CACNA1A: variants seen among roughly 807,000 people sequenced by gnomAD.
The protein encoded by CACNA1A is voltage-dependent P/Q-type calcium channel subunit alpha-1A.
In CACNA1A, 57 loss-of-function variants were observed where a neutral mutation model predicts 262.4. The ratio of observed to expected loss-of-function variants is 0.22; its 90% CI spans 0.18 to 0.27. CACNA1A has a LOEUF of 0.27. Among genes scored for constraint, CACNA1A ranks in the 10% least tolerant of loss-of-function variants. The pLI, the probability that CACNA1A is intolerant of heterozygous loss-of-function variation, is 1.00. For missense variants in CACNA1A, 2,526 were observed against 3,562.8 expected (o/e 0.71, Z 7.41); for synonymous variants, 1,431 against 1,419.3 (o/e 1.01, Z -0.18).
In CACNA1A at chr19:13,373,030, C is replaced by T. The variant is rs563267046; in HGVS notation, c.540-1251G>A. On this transcript the variant is annotated intron_variant, in intron 3 of 46. Transcript: ENST00000360228. ...TTTCAGAGCTAAGTGATGTACAGTG[C>T]GTGGTCAAGGCACAATACAATAAAA... Among the ~76,000 whole-genome samples, 63 of 152,242 alleles carry T rather than the reference C, an allele frequency of 4.1e-4. 1 individual carries two copies. The highest frequency in any genetic ancestry group is 7.0e-4 in the African/African-American group (29 of 41,534).
At chr19:13,464,601 T>C (rs1251790206) in intron 1 of CACNA1A, among the ~76,000 whole-genome samples, 2 of 149,474 alleles carry the variant, frequency 1.3e-5, no homozygotes, top group African/African-American at 5.0e-5. Flanking sequence ...CAGGCCAGAC[T>C]GCAGTGGTGC....
In CACNA1A at chr19:13,464,921, TTTCTC is replaced by T. The variant is rs567742109; in HGVS notation, c.294-9714_294-9710del. Reference sequence around the variant, plus strand: ...TTCCTTTTCTTTTGGTTTCTTTTCTTTTCTCTTCTCTTCTCTTTTCTTTTTGAGAC... The same window carrying T: ...TTCCTTTTCTTTTGGTTTCTTTTCTTTTCTCTTCTCTTTTCTTTTTGAGAC... On this transcript the variant is annotated intron_variant, in intron 1 of 46. Coordinates refer to ENST00000360228, the MANE Select transcript of CACNA1A (RefSeq NM_001127222.2). Among the ~76,000 whole-genome samples the T allele has an allele frequency of 1.3e-3, 205 of 151,892 alleles. 1 individual carries two copies. The highest frequency in any genetic ancestry group is 4.2e-3 in the African/African-American group (175 of 41,448).
intron 24 of CACNA1A, among the ~76,000 whole-genome samples, chr19:13,268,513 A>C (rs531916410): frequency 2.7e-5 from 4 of 150,864 alleles, no homozygotes; most frequent in African/African-American, 9.8e-5. Flanking sequence ...GGCTCACTGC[A>C]AGCTCCGCCT....
intron 24 of CACNA1A, among the ~76,000 whole-genome samples, chr19:13,265,858 T>C (rs1325390885): frequency 6.6e-6 from 1 of 151,896 alleles, no homozygotes; most frequent in Non-Finnish European, 1.5e-5. Context: ...TTTTTTTTTT[T>C]TTTTGAGATG....
intron 29 of CACNA1A, among the ~76,000 whole-genome samples, chr19:13,254,755 C>A (rs1600179447): frequency 6.6e-6 from 1 of 152,118 alleles, no homozygotes; most frequent in Non-Finnish European, 1.5e-5. Context: ...CTGAGGTCAT[C>A]ATAAATGGGT....
intron 21 of CACNA1A, 68 bp downstream of exon 21, chr19:13,285,000 T>C: frequency 6.5e-7 from 1 of 1,546,412 alleles, no homozygotes. Context: ...GCCCTCTATC[T>C]GGCCTGACTT....
chr19:13,373,510 T>C (rs1372202936), intron 3 of CACNA1A, among the ~76,000 whole-genome samples: 1 of 152,148 alleles, frequency 6.6e-6, no homozygotes, highest in African/African-American at 2.4e-5. Flanking sequence ...CCCTCACCCT[T>C]CATTCTGGAT....
At chr19:13,431,188 G>A (rs1054370031) in intron 3 of CACNA1A, among the ~76,000 whole-genome samples, 4 of 151,922 alleles carry the variant, frequency 2.6e-5, no homozygotes, top group African/African-American at 9.7e-5. Flanking sequence ...TCTGGCTGCT[G>A]TGTGGGGAAC....
intron 30 of CACNA1A, among the ~76,000 whole-genome samples, chr19:13,247,410 G>A (rs1366411804): frequency 3.3e-5 from 5 of 152,136 alleles, no homozygotes; most frequent in African/African-American, 1.2e-4. Flanking sequence ...AGGAATTCAG[G>A]GGGCCGGGCG....
At chr19:13,393,118 C>T (rs1436280929) in intron 3 of CACNA1A, among the ~76,000 whole-genome samples, 3 of 152,176 alleles carry the variant, frequency 2.0e-5, no homozygotes, top group African/African-American at 4.8e-5. Context: ...CCCTCTGACT[C>T]AGATGTTCCG....
intron 7 of CACNA1A, among the ~76,000 whole-genome samples, chr19:13,334,717 C>T (rs2058532666): frequency 2.0e-5 from 3 of 151,882 alleles, no homozygotes; most frequent in Admixed American, 2.0e-4. Context: ...GCCAGCTTCA[C>T]ACATTTCCCG....
At chr19:13,262,076 C>T (rs1450063457) in intron 25 of CACNA1A, 1 of 160,864 alleles carries the variant, frequency 6.2e-6, no homozygotes, top group African/African-American at 2.4e-5. Flanking sequence ...TGTTTTCTGT[C>T]TTTAATTTTT....
chr19:13,493,055 C>T (rs936397645), intron 1 of CACNA1A, among the ~76,000 whole-genome samples: 3 of 152,066 alleles, frequency 2.0e-5, no homozygotes, highest in East Asian at 1.9e-4. Context: ...AAGGGGAGGC[C>T]GCCGCAGTTT....
At chr19:13,429,257 C>T (rs2144818677) in intron 3 of CACNA1A, among the ~76,000 whole-genome samples, 1 of 151,552 alleles carries the variant, frequency 6.6e-6, no homozygotes, top group South Asian at 2.1e-4. Context: ...AAATTAGCTC[C>T]ATCTCTAGTC....
At chr19:13,324,468 G>A (rs2058313571) in intron 10 of CACNA1A, among the ~76,000 whole-genome samples, 1 of 152,146 alleles carries the variant, frequency 6.6e-6, no homozygotes, top group South Asian at 2.1e-4. Context: ...AAAACGGTGA[G>A]GTGGTGAGGC....
chr19:13,276,462 C>T (rs4926253), intron 23 of CACNA1A, among the ~76,000 whole-genome samples: 28,581 of 152,088 alleles, frequency 0.19, 3,396 homozygotes, highest in East Asian at 0.61. Flanking sequence ...CTATGGCCCT[C>T]ACCTCACTCA....
At chr19:13,483,170 T>C (rs1979559332) in intron 1 of CACNA1A, among the ~76,000 whole-genome samples, 1 of 152,098 alleles carries the variant, frequency 6.6e-6, no homozygotes, top group African/African-American at 2.4e-5. Context: ...TCATACTCTT[T>C]TCCTACAGGC....
intron 3 of CACNA1A, among the ~76,000 whole-genome samples, chr19:13,397,294 G>A (rs890852989): frequency 2.0e-5 from 3 of 152,266 alleles, no homozygotes; most frequent in East Asian, 1.9e-4. Context: ...AAATTGTGGG[G>A]AGAGACATTC....
At chr19:13,422,211 C>T (rs1043923515) in intron 3 of CACNA1A, among the ~76,000 whole-genome samples, 6 of 152,006 alleles carry the variant, frequency 3.9e-5, no homozygotes, top group African/African-American at 1.2e-4. Flanking sequence ...GGCTCAGCTA[C>T]TCAGGAGGCT....
Sources: allele counts gnomAD v4.1 joint callset (sites outside exome capture counted in the v4.1 genomes callset), GRCh38; gene constraint gnomAD v4.1.1; transcripts MANE v1.5; gene names NCBI Gene and HGNC (gene_info 2026-07-23, HGNC 2026-07-21).